Variants in TMCC3 observed in about 807,000 individuals in gnomAD.
TMCC3 encodes transmembrane and coiled-coil domain family 3, also known as transmembrane and coiled-coil domain protein 3.
A neutral mutation model predicts 40.2 loss-of-function variants in TMCC3; 28 were observed. The ratio of observed to expected loss-of-function variants is 0.70; its 90% CI spans 0.52 to 0.95. The LOEUF (loss-of-function observed/expected upper bound fraction) is 0.95, where lower values mean the gene tolerates loss of function less well. Among genes scored for constraint, TMCC3 ranks in the 40% least tolerant of loss-of-function variants. The pLI, the probability that TMCC3 is intolerant of heterozygous loss-of-function variation, is 0.00. For synonymous variants in TMCC3, 255 were observed against 248.5 expected (o/e 1.03, Z -0.25); for missense variants, 554 against 615.2 (o/e 0.90, Z 1.05).
chr12:94,592,610 G>T (rs60312977), intron 1 of TMCC3, among the ~76,000 whole-genome samples: 2 of 20,032 alleles, frequency 1.0e-4, no homozygotes, highest in Non-Finnish European at 1.7e-4. Context: ...CGCCGCTGCA[G>T]TAAGCCAAGA....
At chr12:94,580,890 C>G (rs1302833651) in intron 2 of TMCC3, among the ~76,000 whole-genome samples, 1 of 152,150 alleles carries the variant, frequency 6.6e-6, no homozygotes, top group African/African-American at 2.4e-5. Context: ...CATAATGACA[C>G]TATAACGGAA....
intron 1 of TMCC3, chr12:94,616,422 G>C (rs2068848390): frequency 6.6e-6 from 1 of 152,528 alleles, no homozygotes; most frequent in African/African-American, 2.4e-5. Flanking sequence ...CAGAGCAAAG[G>C]GGCCAGCCAG....
intron 1 of TMCC3, chr12:94,590,887 C>T (rs2068670500): frequency 1.7e-6 from 1 of 578,904 alleles, no homozygotes; most frequent in Non-Finnish European, 3.4e-6. Flanking sequence ...TGTTATCGGG[C>T]TCAGCCTAGA....
chr12:94,593,359 T>A lies in TMCC3; in HGVS notation c.79-10821A>T, dbSNP rs867949965. Among the ~76,000 whole-genome samples, 231 of 44,064 alleles carry A rather than the reference T, an allele frequency of 5.2e-3. 2 individuals are homozygous for A. The highest frequency in any genetic ancestry group is 0.012 in the East Asian group (22 of 1,900). The allele number at this position is 44,064 out of a possible 152,430, so 28.9% of individuals were successfully genotyped here. A position where few individuals can be genotyped will look rare whatever the true frequency, so the allele number is the denominator to read the frequency against. On this transcript the variant is annotated intron_variant, in intron 1 of 3. Coordinates refer to ENST00000261226, the MANE Select transcript of TMCC3 (RefSeq NM_020698.4). The stretch of plus-strand genomic sequence containing the variant: ...TCAAGCCTGGACAACAGGCTCCATC[T>A]AAAAAAAAAAAAAGAAAAGAAAAGA...
rs2069049863 is a variant in TMCC3, at chr12:94,650,379, C to A, written c.52G>T (p.Gly18Cys). ...LTVDRTYSYP[G>C]RHHRCKSRVE... ...CGGCTCTTGCAGCGGTGGTGCCGGC[C>A]GGGGTACGAGTAGGTCCGGTCCACG... Residue 18 changes from glycine to cysteine, a missense_variant, in exon 1 of 4, where the codon GGC (glycine) becomes TGC (cysteine). Coordinates refer to ENST00000261226, the MANE Select transcript of TMCC3 (RefSeq NM_020698.4). The A allele has an allele frequency of 1.5e-6, 2 of 1,344,472 alleles. No homozygotes were observed. The highest frequency in any genetic ancestry group is 1.5e-5 in the African/African-American group (1 of 65,662). The allele number at this position is 1,344,472 out of a possible 1,614,324, so 83.3% of individuals were successfully genotyped here. A position where few individuals can be genotyped will look rare whatever the true frequency, so the allele number is the denominator to read the frequency against.
intron 1 of TMCC3, among the ~76,000 whole-genome samples, chr12:94,621,957 C>G (rs756812147): frequency 6.6e-6 from 1 of 152,122 alleles, no homozygotes; most frequent in Admixed American, 6.5e-5. Flanking sequence ...CTTTCACTTT[C>G]AGTATCAGTA....
chr12:94,624,208 T>C (rs970252673), intron 1 of TMCC3, among the ~76,000 whole-genome samples: 4 of 152,196 alleles, frequency 2.6e-5, no homozygotes, highest in African/African-American at 9.6e-5. Flanking sequence ...GCAACCACTT[T>C]GGAAAACACT....
At chr12:94,635,660 G>GT (rs63480462) in intron 1 of TMCC3, among the ~76,000 whole-genome samples, 8,083 of 89,186 alleles carry the variant, frequency 0.091, 499 homozygotes, top group African/African-American at 0.14. Context: ...GTGTATGTGG[G>GT]TTTTTTTTTT....
At chr12:94,642,860 A>G (rs1372956716) in intron 1 of TMCC3, among the ~76,000 whole-genome samples, 2 of 152,202 alleles carry the variant, frequency 1.3e-5, no homozygotes, top group Non-Finnish European at 2.9e-5. Flanking sequence ...AACCCTTGTA[A>G]AAACCTAACT....
intron 1 of TMCC3, among the ~76,000 whole-genome samples, chr12:94,594,989 T>C (rs573678214): frequency 1.4e-4 from 21 of 152,298 alleles, no homozygotes; most frequent in African/African-American, 5.1e-4. Context: ...ACTTGTCTCC[T>C]AAAGTATAGC....
At chr12:94,607,855 A>G (rs961122525) in intron 1 of TMCC3, among the ~76,000 whole-genome samples, 20 of 152,258 alleles carry the variant, frequency 1.3e-4, no homozygotes, top group African/African-American at 4.8e-4. Context: ...AACTGAGAAC[A>G]TTATGAAGTC....
chr12:94,592,097 T>C (rs537031731), intron 1 of TMCC3, among the ~76,000 whole-genome samples: 1 of 152,312 alleles, frequency 6.6e-6, no homozygotes, highest in African/African-American at 2.4e-5. Flanking sequence ...TTAAGGACCT[T>C]CATATGATAT....
rs534727027 is a variant in TMCC3, at chr12:94,569,882, G to A, written c.*1553C>T. 7.9e-5 allele frequency: 12 copies of A among 152,340 alleles called. No individual in the cohort carries two copies. The highest frequency in any genetic ancestry group is 2.9e-4 in the African/African-American group (12 of 41,580). 9.4% of individuals were successfully genotyped at this position (152,340 alleles called of 1,614,324 possible). The stretch of plus-strand genomic sequence containing the variant: ...CATGCCTTCCTGCCTGCAGCAGATG[G>A]CGGGAGTGGTGGGACAAGGGGCTCA... On this transcript the variant is annotated 3_prime_UTR_variant, in exon 4 of 4. Transcript: ENST00000261226.
intron 3 of TMCC3, 76 bp from the exon 4 acceptor site, chr12:94,571,813 C>A (rs774292407): frequency 5.2e-5 from 78 of 1,499,512 alleles, no homozygotes; most frequent in Non-Finnish European, 6.3e-5. Context: ...CTCAGCTGTA[C>A]ACAAAAGCCC....
chr12:94,585,743 T>C (rs1021179894), intron 1 of TMCC3, among the ~76,000 whole-genome samples: 5 of 152,258 alleles, frequency 3.3e-5, no homozygotes, highest in Admixed American at 1.3e-4. Flanking sequence ...CATGAAGCTT[T>C]TCCCAGTCCC....
intron 1 of TMCC3, among the ~76,000 whole-genome samples, chr12:94,592,839 GTCTCA>G (rs1181482149): frequency 4.6e-5 from 7 of 151,544 alleles, no homozygotes; most frequent in Non-Finnish European, 7.4e-5. Context: ...GTGTTTAAGA[GTCTCA>G]AAAACAAATT....
In TMCC3 at chr12:94,570,407, A is replaced by C. The variant is rs1376504889; in HGVS notation, c.*1028T>G. 1 of 152,246 alleles carries C rather than the reference A, an allele frequency of 6.6e-6. No homozygotes were observed. The highest frequency in any genetic ancestry group is 1.5e-5 in the Non-Finnish European group (1 of 68,042). The allele number at this position is 152,246 out of a possible 1,614,324, so 9.4% of individuals were successfully genotyped here. A position where few individuals can be genotyped will look rare whatever the true frequency, so the allele number is the denominator to read the frequency against. On this transcript the variant is annotated 3_prime_UTR_variant, in exon 4 of 4. Coordinates refer to ENST00000261226, the MANE Select transcript of TMCC3 (RefSeq NM_020698.4). ...GCAGTCCCTCACAGACCTGTGAATA[A>C]GATGAATCACATAAAGTGAATCATA...
At chr12:94,608,300 T>C (rs1167383392) in intron 1 of TMCC3, among the ~76,000 whole-genome samples, 1 of 152,230 alleles carries the variant, frequency 6.6e-6, no homozygotes, top group Non-Finnish European at 1.5e-5. Flanking sequence ...TCATTAAAAA[T>C]GTCAATAAAT....
At chr12:94,572,286 C>T (rs1187208180) in intron 3 of TMCC3, among the ~76,000 whole-genome samples, 2 of 147,446 alleles carry the variant, frequency 1.4e-5, no homozygotes, top group Non-Finnish European at 3.0e-5. Context: ...GTGTGAGCCA[C>T]CATGCCCAGC....
Sources: gnomAD v4.1 joint callset for allele counts (sites outside exome capture counted in the v4.1 genomes callset) on GRCh38, gnomAD v4.1.1 for gene constraint, MANE v1.5 for transcripts, NCBI Gene and HGNC (gene_info 2026-07-23, HGNC 2026-07-21) for gene names.